UMAD1: variants seen among roughly 807,000 people sequenced by gnomAD.
UMAD1 encodes UBAP1-MVB12-associated (UMA)-domain containing protein 1.
UMAD1 carries 8 observed loss-of-function variants against 6.1 expected under a neutral mutation model. That is an observed-to-expected ratio of 1.30 (90% CI 0.76 to 2.35). UMAD1 has a LOEUF of 2.35. UMAD1 is among the 30% of genes most tolerant of loss of function. UMAD1 has a pLI of 0.00. For synonymous variants in UMAD1, 56 were observed against 31.4 expected, an observed-to-expected ratio of 1.78 and a Z score of -2.61; for missense variants, 130 against 78.4, an observed-to-expected ratio of 1.66 and a Z score of -2.49.
chr7:7,865,383 G>T (rs1784207045), intron 3 of UMAD1, among the ~76,000 whole-genome samples: 1 of 152,144 alleles, frequency 6.6e-6, no homozygotes, highest in Non-Finnish European at 1.5e-5. Flanking sequence ...TGAGGAAAAA[G>T]CCCATGTGTT....
chr7:7,818,744 A>G (rs1300856287), intron 3 of UMAD1, among the ~76,000 whole-genome samples: 1 of 152,234 alleles, frequency 6.6e-6, no homozygotes, highest in Admixed American at 6.5e-5. Context: ...CACAATAGCA[A>G]AGACATGGAA....
At chr7:7,646,720 T>C (rs1389391376) in intron 1 of UMAD1, among the ~76,000 whole-genome samples, 2 of 151,764 alleles carry the variant, frequency 1.3e-5, no homozygotes, top group African/African-American at 4.8e-5. Context: ...TCCCTTGGAG[T>C]TCGGCTGTCC....
chr7:7,777,653 A>G (rs1782243238), intron 2 of UMAD1, among the ~76,000 whole-genome samples: 2 of 145,354 alleles, frequency 1.4e-5, no homozygotes, highest in Admixed American at 1.4e-4. Context: ...TATGTTGTTC[A>G]GTCTAATATC....
chr7:7,822,894 A>T (rs779120197), intron 3 of UMAD1, among the ~76,000 whole-genome samples: 1 of 151,644 alleles, frequency 6.6e-6, no homozygotes, highest in African/African-American at 2.4e-5. Flanking sequence ...AGTTTTTTTT[A>T]GGTGACATGT....
chr7:7,713,194 A>T (rs35375940), intron 2 of UMAD1, among the ~76,000 whole-genome samples: 24,478 of 151,688 alleles, frequency 0.16, 2,283 homozygotes, highest in South Asian at 0.2. Flanking sequence ...AAAAAAAAAA[A>T]TTAGCTGGGC....
At chr7:7,722,161 A>ATATATATATG (rs1323619632) in intron 2 of UMAD1, among the ~76,000 whole-genome samples, 3 of 139,052 alleles carry the variant, frequency 2.2e-5, no homozygotes, top group South Asian at 2.1e-4. Context: ...CTCTCTCTAT[A>ATATATATATG]TATATATATG....
At chr7:7,674,680 C>T (rs757811695) in intron 2 of UMAD1, among the ~76,000 whole-genome samples, 3 of 152,128 alleles carry the variant, frequency 2.0e-5, no homozygotes, top group Non-Finnish European at 2.9e-5. Flanking sequence ...CTAATATGAC[C>T]CTTCCTTCAT....
chr7:7,792,148 A>G (rs1782578969), intron 2 of UMAD1, among the ~76,000 whole-genome samples: 2 of 152,170 alleles, frequency 1.3e-5, no homozygotes, highest in Admixed American at 6.5e-5. Context: ...TAATTTTGGT[A>G]TGCTAATTTA....
chr7:7,700,966 C>T (rs1780446990), intron 2 of UMAD1, among the ~76,000 whole-genome samples: 1 of 152,138 alleles, frequency 6.6e-6, no homozygotes, highest in Non-Finnish European at 1.5e-5. Flanking sequence ...AAGAGAATTG[C>T]TTGAGCCCAG....
intron 2 of UMAD1, among the ~76,000 whole-genome samples, chr7:7,752,078 T>G (rs1781688592): frequency 6.6e-6 from 1 of 152,212 alleles, no homozygotes; most frequent in Admixed American, 6.5e-5. Context: ...GGTTCATTAT[T>G]TTCTCATTTT....
intron 2 of UMAD1, among the ~76,000 whole-genome samples, chr7:7,683,908 C>A (rs1445178058): frequency 2.0e-5 from 3 of 152,202 alleles, no homozygotes; most frequent in Non-Finnish European, 2.9e-5. Context: ...TAGGCGTGAG[C>A]CACTGCTTCC....
intron 1 of UMAD1, among the ~76,000 whole-genome samples, chr7:7,649,328 G>C (rs111673680): frequency 2.9e-3 from 439 of 152,236 alleles, no homozygotes; most frequent in African/African-American, 0.01. Flanking sequence ...AAGGGAAGGG[G>C]ACTAACTAAT....
At chr7:7,675,067 G>A (rs1456791679) in intron 2 of UMAD1, among the ~76,000 whole-genome samples, 1 of 151,994 alleles carries the variant, frequency 6.6e-6, no homozygotes, top group Non-Finnish European at 1.5e-5. Context: ...GTCTTGCCAT[G>A]TTGCCCAGGT....
At chr7:7,700,062 C>G (rs888625114) in intron 2 of UMAD1, among the ~76,000 whole-genome samples, 28 of 152,108 alleles carry the variant, frequency 1.8e-4, no homozygotes, top group African/African-American at 6.8e-4. Flanking sequence ...TGGAGGGTGT[C>G]TTAGTCAGTC....
intron 2 of UMAD1, among the ~76,000 whole-genome samples, chr7:7,777,976 G>A (rs1782253987): frequency 6.6e-6 from 1 of 152,136 alleles, no homozygotes; most frequent in Admixed American, 6.5e-5. Flanking sequence ...TAAAAGGCCT[G>A]AACATAAAAC....
intron 3 of UMAD1, among the ~76,000 whole-genome samples, chr7:7,819,036 G>C (rs1474582877): frequency 2.6e-5 from 4 of 152,116 alleles, no homozygotes; most frequent in Non-Finnish European, 5.9e-5. Flanking sequence ...TTTTAGTAGA[G>C]ACGGGTTTTC....
intron 3 of UMAD1, among the ~76,000 whole-genome samples, chr7:7,859,679 G>C (rs187191340): frequency 1.3e-5 from 2 of 152,230 alleles, no homozygotes; most frequent in East Asian, 3.9e-4. Context: ...ATTGAGACTT[G>C]AGACCAGTGC....
intron 2 of UMAD1, among the ~76,000 whole-genome samples, chr7:7,753,420 C>G (rs1781716365): frequency 6.6e-6 from 1 of 152,190 alleles, no homozygotes; most frequent in South Asian, 2.1e-4. Context: ...CCCCCAACTC[C>G]CCACTACTCT....
chr7:7,827,177 G>GTGTGTGTA (rs34214373), intron 3 of UMAD1, among the ~76,000 whole-genome samples: 1,814 of 146,772 alleles, frequency 0.012, 16 homozygotes, highest in South Asian at 0.026. Flanking sequence ...GTGTGTGTGT[G>GTGTGTGTA]TATCACATGA....
Sources: gnomAD v4.1 joint callset for allele counts (sites outside exome capture counted in the v4.1 genomes callset) on GRCh38, gnomAD v4.1.1 for gene constraint, MANE v1.5 for transcripts, NCBI Gene and HGNC (gene_info 2026-07-23, HGNC 2026-07-21) for gene names.